PRKG1: variants seen among roughly 807,000 people sequenced by gnomAD.
PRKG1 encodes cGMP-dependent protein kinase 1.
PRKG1 carries 35 observed loss-of-function variants against 88.1 expected under a neutral mutation model. That is an observed-to-expected ratio of 0.40 (90% CI 0.30 to 0.53). The LOEUF is 0.53. Ranked by LOEUF, PRKG1 falls within the 20% of genes least tolerant of loss-of-function variation. The probability of loss-of-function intolerance (pLI) is 0.59; values close to 1 mark genes in which losing one functional copy is unlikely to be tolerated. For synonymous variants in PRKG1, 303 were observed against 292.5 expected, an observed-to-expected ratio of 1.04 and a Z score of -0.37; for missense variants, 540 against 839.8, an observed-to-expected ratio of 0.64 and a Z score of 4.41.
intron 7 of PRKG1, among the ~76,000 whole-genome samples, chr10:52,092,955 C>T (rs781046525): frequency 2.6e-5 from 4 of 152,022 alleles, no homozygotes; most frequent in Admixed American, 6.6e-5. Context: ...TCTTAGAGGC[C>T]TGTAAAATGT....
chr10:51,085,320 A>G (rs896009937), intron 1 of PRKG1, among the ~76,000 whole-genome samples: 2 of 152,228 alleles, frequency 1.3e-5, no homozygotes, highest in African/African-American at 4.8e-5. Flanking sequence ...CTGGTTTGAC[A>G]GAGTGTCACC....
rs188265416 is a variant in PRKG1 at position 52,200,737 on chromosome 10, G to A, written c.1076+38774G>A. On this transcript the variant is annotated intron_variant, in intron 9 of 17. Coordinates refer to ENST00000373980, the MANE Select transcript of PRKG1 (RefSeq NM_006258.4). ...CAGCATGTTATTTTTTGACTTTTTA[G>A]TAATAGCCATTCTGACTCGTGTGAA... 1.8e-3 allele frequency among the ~76,000 whole-genome samples: 275 copies of A among 152,096 alleles called. 1 individual carries two copies. Among genetic ancestry groups the A allele is most frequent in the African/African-American group, 6.2e-3 (258 of 41,518 alleles).
intron 3 of PRKG1, among the ~76,000 whole-genome samples, chr10:51,687,402 G>A (rs1294583068): frequency 6.6e-6 from 1 of 152,162 alleles, no homozygotes; most frequent in Non-Finnish European, 1.5e-5. Flanking sequence ...AAAATTGTTA[G>A]CAGCAGAATT....
At chr10:52,282,927 T>G (rs1006831302) in intron 14 of PRKG1, among the ~76,000 whole-genome samples, 6 of 152,032 alleles carry the variant, frequency 3.9e-5, no homozygotes, top group African/African-American at 1.4e-4. Flanking sequence ...TAAAGAGGCT[T>G]TTGAAGAATG....
At chr10:52,039,700 T>C (rs914565693) in intron 5 of PRKG1, among the ~76,000 whole-genome samples, 3 of 152,174 alleles carry the variant, frequency 2.0e-5, no homozygotes, top group Admixed American at 2.0e-4. Flanking sequence ...GTGCAGCCTG[T>C]GTTCTTTCTG....
chr10:51,717,829 C>G (rs1281420427), intron 3 of PRKG1, among the ~76,000 whole-genome samples: 2 of 144,354 alleles, frequency 1.4e-5, no homozygotes, highest in East Asian at 4.1e-4. Context: ...GAGACTCTGT[C>G]TCAAAAAAAA....
chr10:52,287,500 AAAT>A (rs1842144027), intron 14 of PRKG1, among the ~76,000 whole-genome samples: 1 of 152,060 alleles, frequency 6.6e-6, no homozygotes, highest in Non-Finnish European at 1.5e-5. Context: ...AAGGCAAAAA[AAAT>A]AATAATTCAG....
At chr10:51,695,154 A>C (rs1841255125) in intron 3 of PRKG1, among the ~76,000 whole-genome samples, 1 of 152,274 alleles carries the variant, frequency 6.6e-6, no homozygotes, top group Admixed American at 6.5e-5. Flanking sequence ...GGACGTAAAA[A>C]GTGCACTGCA....
intron 2 of PRKG1, among the ~76,000 whole-genome samples, chr10:51,419,273 T>C (rs1263408843): frequency 6.6e-6 from 1 of 152,142 alleles, no homozygotes; most frequent in Non-Finnish European, 1.5e-5. Flanking sequence ...TCAGTGACAA[T>C]CACTGATTCT....
chr10:51,721,829 C>T (rs973509679), intron 3 of PRKG1, among the ~76,000 whole-genome samples: 8 of 152,134 alleles, frequency 5.3e-5, no homozygotes, highest in African/African-American at 1.2e-4. Flanking sequence ...TAACCATGTA[C>T]GCTAACATGA....
chr10:51,464,718 C>T (rs1189890685), intron 2 of PRKG1, among the ~76,000 whole-genome samples: 1 of 151,010 alleles, frequency 6.6e-6, no homozygotes, highest in Non-Finnish European at 1.5e-5. Flanking sequence ...GGTGAAACCC[C>T]GTCTCTACTA....
At chr10:51,697,618 T>A (rs1486403965) in intron 3 of PRKG1, 6 of 1,360,742 alleles carry the variant, frequency 4.4e-6, no homozygotes, top group African/African-American at 1.4e-5. Context: ...AGTGTGGGGA[T>A]ACAGAAGTCA....
At chr10:51,419,142 G>A (rs572460936) in intron 2 of PRKG1, among the ~76,000 whole-genome samples, 8 of 152,210 alleles carry the variant, frequency 5.3e-5, no homozygotes, top group East Asian at 3.9e-4. Flanking sequence ...TTTTATGACA[G>A]CATTCTCACA....
rs565085365 is a variant in PRKG1 at position 51,214,940 on chromosome 10, G to A, written c.478+61610G>A. Among the ~76,000 whole-genome samples, 7 of 152,228 alleles carry A rather than the reference G, an allele frequency of 4.6e-5. No homozygotes were observed. The East Asian group carries it at 9.6e-4, about 21-fold the overall frequency. On this transcript the variant is annotated intron_variant, in intron 2 of 17. Coordinates refer to ENST00000373980, the MANE Select transcript of PRKG1 (RefSeq NM_006258.4). ...ACATGTTTGCAAATCACCACTGAAC[G>A]GAAAATGAAAGATTGTCACTTGCTC...
intron 3 of PRKG1, among the ~76,000 whole-genome samples, chr10:51,613,584 A>G (rs1173502479): frequency 4.0e-5 from 6 of 150,792 alleles, no homozygotes; most frequent in Non-Finnish European, 8.9e-5. Context: ...TTGCTTTTCT[A>G]GTTTATTTGA....
chr10:51,362,365 T>C (rs1015606452), intron 2 of PRKG1, among the ~76,000 whole-genome samples: 19 of 151,902 alleles, frequency 1.3e-4, no homozygotes, highest in Non-Finnish European at 4.4e-5. Context: ...TTTTCTTTAA[T>C]ATGCATCATG....
intron 1 of PRKG1, among the ~76,000 whole-genome samples, chr10:51,089,361 G>A (rs529738663): frequency 8.5e-5 from 13 of 152,210 alleles, no homozygotes; most frequent in South Asian, 4.1e-4. Context: ...GCCAGAACAC[G>A]TACTAAGAAA....
chr10:51,079,184 A>G (rs1012086269), intron 1 of PRKG1, among the ~76,000 whole-genome samples: 7 of 152,184 alleles, frequency 4.6e-5, no homozygotes, highest in African/African-American at 7.2e-5. Flanking sequence ...AAAATATTGT[A>G]AGGCATTAGA....
intron 7 of PRKG1, among the ~76,000 whole-genome samples, chr10:52,116,728 A>G (rs941001299): frequency 2.0e-5 from 3 of 152,106 alleles, no homozygotes; most frequent in Non-Finnish European, 4.4e-5. Context: ...ACACTGCCTA[A>G]TGTTCATTGA....
Sources: gnomAD v4.1 joint callset for allele counts (sites outside exome capture counted in the v4.1 genomes callset) on GRCh38, gnomAD v4.1.1 for gene constraint, MANE v1.5 for transcripts, NCBI Gene and HGNC (gene_info 2026-07-23, HGNC 2026-07-21) for gene names.